Variants in ZFP57 observed in about 807,000 individuals in gnomAD.
ZFP57 encodes the protein ZFP57 zinc finger protein, also known as zinc finger protein 57 homolog.
ZFP57 carries 12 observed loss-of-function variants against 15.8 expected under a neutral mutation model. The ratio of observed to expected loss-of-function variants is 0.76; its 90% confidence interval spans 0.49 to 1.23. The LOEUF (loss-of-function observed/expected upper bound fraction) is 1.23. Ranked by LOEUF, ZFP57 falls within the 50% of genes most tolerant of loss-of-function variation. The pLI is 0.00. For synonymous variants in ZFP57, 203 were observed against 242.3 expected (o/e 0.84, Z 1.51); for missense variants, 536 against 654.9 (o/e 0.82, Z 1.98).
At chr6:29,675,151 CAAAAAAA>C (rs11357168) in intron 4 of ZFP57, among the ~76,000 whole-genome samples, 3 of 81,952 alleles carry the variant, frequency 3.7e-5, no homozygotes, top group African/African-American at 4.9e-5. Context: ...GACTGTGTCT[CAAAAAAA>C]AAAAAAAAAA....
At chr6:29,679,831 C>T (rs774688030) in intron 1 of ZFP57, among the ~76,000 whole-genome samples, 1 of 151,998 alleles carries the variant, frequency 6.6e-6, no homozygotes, top group Non-Finnish European at 1.5e-5. Context: ...TTGCGGTGAG[C>T]GGAGATCGCG....
intron 1 of ZFP57, among the ~76,000 whole-genome samples, chr6:29,679,663 C>A (rs933530399): frequency 2.0e-5 from 3 of 152,092 alleles, no homozygotes; most frequent in African/African-American, 7.2e-5. Context: ...CCGAGGCGGG[C>A]GGATCACCTG....
In ZFP57 at chr6:29,676,065, A is replaced by G. The variant is rs1477950476; in HGVS notation, c.124-6T>C. 1 of 1,598,750 alleles carries G rather than the reference A, an allele frequency of 6.3e-7. No individual in the cohort carries two copies. The highest frequency in any genetic ancestry group is 2.3e-5 in the East Asian group (1 of 43,594). On this transcript the variant is annotated splice_region_variant and splice_polypyrimidine_tract_variant and intron_variant, in intron 2 of 4. Coordinates refer to ENST00000376883, the MANE Select transcript of ZFP57 (RefSeq NM_001109809.5). ...TCCTCAAAGGTGACTGGCTTCTGGA[A>G]GAACAGGAGAGACTCAAGAAGTTTA...
rs59871039 is a variant in ZFP57 at position 29,672,779 on chromosome 6, G to A, written c.1332C>T (p.Ile444=). ...CTTTCTCCCCAAAGGAGAGGTCACAGATAGGGCAAAGGTAGCTCTTCTGCT... is the reference window on the plus strand; with the variant it reads ...CTTTCTCCCCAAAGGAGAGGTCACAAATAGGGCAAAGGTAGCTCTTCTGCT... ...HWKQKSYLCP[I]CDLSFGEKEG... Residue 444 remains isoleucine (I), a synonymous_variant, in exon 5 of 5, where the codon ATC becomes ATT. Coordinates refer to ENST00000376883, the MANE Select transcript of ZFP57 (RefSeq NM_001109809.5). The A allele has an allele frequency of 6.2e-7, 1 of 1,613,094 alleles. No homozygotes were observed. Among genetic ancestry groups the A allele is most frequent in the Non-Finnish European group, 8.5e-7 (1 of 1,180,038 alleles).
At position 29,673,502 on chromosome 6, in the gene ZFP57, G is replaced by A; in HGVS notation, c.609C>T (p.Asn203=). 6.2e-7 allele frequency: 1 copy of A among 1,613,112 alleles called. No homozygotes were observed. The highest frequency in any genetic ancestry group is 1.1e-5 in the South Asian group (1 of 91,082). The change falls in exon 5 of 5, where the codon AAC becomes AAT. Residue 203 remains asparagine (N), a synonymous_variant. Coordinates refer to ENST00000376883, the MANE Select transcript of ZFP57 (RefSeq NM_001109809.5). The surrounding 1 kb of genome is among the most constrained non-coding windows in gnomAD (Gnocchi z 4.7). ...ACAACTTCCCACACTGACTGCAGCTGTTAGTCAGCTTGGGATTGTGAACAA... is the reference window on the plus strand; with the variant it reads ...ACAACTTCCCACACTGACTGCAGCTATTAGTCAGCTTGGGATTGTGAACAA... The part of the protein sequence containing the change: ...HQFVHNPKLT[N]SCSQCGKLFR...
At chr6:29,680,449 G>A (rs530752536) in intron 1 of ZFP57, among the ~76,000 whole-genome samples, 5 of 152,280 alleles carry the variant, frequency 3.3e-5, no homozygotes, top group Admixed American at 3.3e-4. Context: ...CTCCAGCCAC[G>A]TGAGTTTTCC....
chr6:29,674,163 G>A (rs1771938784), intron 4 of ZFP57, among the ~76,000 whole-genome samples: 2 of 147,612 alleles, frequency 1.4e-5, no homozygotes, highest in African/African-American at 2.5e-5. Context: ...AAGGAGAAGA[G>A]AAGGAGAAGA....
chr6:29,674,844 TCTC>T (rs1174007652), intron 4 of ZFP57, among the ~76,000 whole-genome samples: 1 of 152,040 alleles, frequency 6.6e-6, no homozygotes, highest in Non-Finnish European at 1.5e-5. Flanking sequence ...GACATCTACT[TCTC>T]CTGAAAGACT....
chr6:29,677,341 G>A lies in ZFP57; in HGVS notation c.-338C>T, dbSNP rs2747421. The A allele has an allele frequency of 1.2e-5, 5 of 407,160 alleles. No homozygotes were observed. The highest frequency in any genetic ancestry group is 4.1e-5 in the African/African-American group (2 of 49,126). 25.2% of individuals were successfully genotyped at this position (407,160 alleles called of 1,614,324 possible). A position where few individuals can be genotyped will look rare whatever the true frequency, so the allele number is the denominator to read the frequency against. ...CACCAGCCTGGGCTAGGTGTCTGCC[G>A]TCTGTTCTACCCTGCTTCTAGAAAC... On this transcript the variant is annotated 5_prime_UTR_variant, in exon 2 of 5. It adds an upstream start codon to the 5' untranslated region. Coordinates refer to ENST00000376883, the MANE Select transcript of ZFP57 (RefSeq NM_001109809.5).
At chr6:29,680,122 C>A (rs1772267757) in intron 1 of ZFP57, among the ~76,000 whole-genome samples, 1 of 152,064 alleles carries the variant, frequency 6.6e-6, no homozygotes. Context: ...TTCCTTCATC[C>A]ACAGGGCCCC....
chr6:29,674,094 CAAAA>C (rs1259618869), intron 4 of ZFP57, among the ~76,000 whole-genome samples: 67 of 69,094 alleles, frequency 9.7e-4, no homozygotes, highest in Non-Finnish European at 1.5e-3. Flanking sequence ...AACTCTGTCT[CAAAA>C]AAAAAAAAAG....
rs1422777845 is a variant in ZFP57 at position 29,672,588 on chromosome 6, A to T, written c.1523T>A (p.Ile508Asn). The T allele has an allele frequency of 2.5e-6, 4 of 1,612,354 alleles. No individual in the cohort carries two copies. The Admixed American group carries it at 6.7e-5, about 27-fold the overall frequency. Residue 508 changes from isoleucine to asparagine, a missense_variant, in exon 5 of 5, where the codon ATC becomes AAC. By Grantham distance (149) the Ile-to-Asn change is moderately radical. Coordinates refer to ENST00000376883, the MANE Select transcript of ZFP57 (RefSeq NM_001109809.5). ...KHGGDQSPPR[I>N]HTPRRRGLRE... ...TAGGCCTCTTCTCCTGGGGGTATGGATCCTGGGGGGAGATTGATCACCTCC... is the reference window on the plus strand; with the variant it reads ...TAGGCCTCTTCTCCTGGGGGTATGGTTCCTGGGGGGAGATTGATCACCTCC...
Position 29,672,535 on chromosome 6 carries a change from T to C in ZFP57, c.1576A>G (p.Thr526Ala). 1 of 1,612,982 alleles carries C rather than the reference T, an allele frequency of 6.2e-7. No individual in the cohort carries two copies. The highest frequency in any genetic ancestry group is 8.5e-7 in the Non-Finnish European group (1 of 1,180,010). The change falls in exon 5 of 5, where the codon ACA (threonine) becomes GCA (alanine). Residue 526 changes from threonine (T) to alanine (A), a missense_variant. By Grantham distance (58) the Thr-to-Ala change is moderately conservative. Coordinates refer to ENST00000376883, the MANE Select transcript of ZFP57 (RefSeq NM_001109809.5). The part of the protein sequence containing the change: ...LREKACKGDK[T>A]KEAVSILKHK The stretch of plus-strand genomic sequence containing the variant: ...TTCAAGATGCTCACTGCCTCCTTTG[T>C]TTTGTCTCCTTTGCAGGCCTTCTCT...
chr6:29,673,158 A>G lies in ZFP57; in HGVS notation c.953T>C (p.Leu318Pro). The G allele has an allele frequency of 1.2e-6, 2 of 1,612,972 alleles. No homozygotes were observed. The change falls in exon 5 of 5, where the codon CTT (leucine) becomes CCT (proline). Residue 318 changes from leucine to proline, a missense_variant. Physicochemically the swap from Leu to Pro is moderately conservative, Grantham distance 98. Transcript: ENST00000376883. The surrounding 1 kb of genome is among the most constrained non-coding windows in gnomAD (Gnocchi z 4.7). ...CACTGGTGCATGGTTCACATCCAAA[A>G]GCCCCTGGATGGACCTCTGGCTTCT... The part of the protein sequence containing the change: ...IARSQRSIQG[L>P]LDVNHAPVAR...
In ZFP57 at chr6:29,681,093, C is replaced by T. The variant is rs1772323854; in HGVS notation, c.-395G>A. On this transcript the variant is annotated 5_prime_UTR_variant, in exon 1 of 5. Coordinates refer to ENST00000376883, the MANE Select transcript of ZFP57 (RefSeq NM_001109809.5). ...CGCGCAGTGGACCGCGATTTAGGGG[C>T]ACAGGGTCTCCCGGGGACCAGCGGC... is the stretch of plus-strand genomic sequence containing the variant. 1 of 152,272 alleles carries T rather than the reference C, an allele frequency of 6.6e-6. No individual in the cohort carries two copies. The highest frequency in any genetic ancestry group is 6.5e-5 in the Admixed American group (1 of 15,280). The allele number at this position is 152,272 out of a possible 1,614,324, so 9.4% of individuals were successfully genotyped here. A position where few individuals can be genotyped will look rare whatever the true frequency, so the allele number is the denominator to read the frequency against.
At chr6:29,680,636 A>C (rs558633480) in intron 1 of ZFP57, among the ~76,000 whole-genome samples, 1 of 152,248 alleles carries the variant, frequency 6.6e-6, no homozygotes, top group East Asian at 1.9e-4. Context: ...CCAGATCCGG[A>C]ACCCCAGCCT....
chr6:29,674,586 G>C (rs115461959), intron 4 of ZFP57, among the ~76,000 whole-genome samples: 1 of 152,126 alleles, frequency 6.6e-6, no homozygotes, highest in East Asian at 1.9e-4. Context: ...GGTGAAAAGA[G>C]GTGTTATTAA....
At chr6:29,680,781 C>T (rs1375718829) in intron 1 of ZFP57, among the ~76,000 whole-genome samples, 1 of 152,154 alleles carries the variant, frequency 6.6e-6, no homozygotes, top group East Asian at 1.9e-4. Context: ...TTCCCCGATG[C>T]CCATCCGCCC....
At position 29,673,508 on chromosome 6, in the gene ZFP57, C is replaced by A; in HGVS notation, c.603G>T (p.Leu201=). The change falls in exon 5 of 5, where the codon CTG becomes CTT. Residue 201 remains leucine, a synonymous_variant. Coordinates refer to ENST00000376883, the MANE Select transcript of ZFP57 (RefSeq NM_001109809.5). The surrounding 1 kb of genome is among the most constrained non-coding windows in gnomAD (Gnocchi z 4.7). The part of the protein sequence containing the change: ...YSHQFVHNPK[L]TNSCSQCGKL... ...TCCCACACTGACTGCAGCTGTTAGT[C>A]AGCTTGGGATTGTGAACAAACTGGT... The A allele has an allele frequency of 6.2e-7, 1 of 1,613,120 alleles. No individual in the cohort carries two copies. The highest frequency in any genetic ancestry group is 1.1e-5 in the South Asian group (1 of 91,088).
Sources: gnomAD v4.1 joint callset for allele counts (sites outside exome capture counted in the v4.1 genomes callset) on GRCh38, gnomAD v4.1.1 for gene constraint, Gnocchi (gnomAD v3.1) non-coding constraint, MANE v1.5 for transcripts, NCBI Gene and HGNC (gene_info 2026-07-23, HGNC 2026-07-21) for gene names.